The following SMU1 variants were observed in gnomAD, a reference collection of about 807,000 sequenced individuals.
The protein encoded by SMU1 is WD40 repeat-containing protein SMU1.
Under a neutral mutation model 62.0 loss-of-function variants are expected in SMU1, and 2 were observed. The observed-to-expected ratio is 0.03, with a 90% CI of 0.01 to 0.10. SMU1 has a LOEUF of 0.10. Among genes scored for constraint, SMU1 ranks in the 10% least tolerant of loss-of-function variants. The pLI is 1.00. For missense variants in SMU1, 227 were observed against 622.1 expected, an observed-to-expected ratio of 0.36 and a Z score of 6.76; for synonymous variants, 188 against 212.4, an observed-to-expected ratio of 0.89 and a Z score of 1.00.
Position 33,056,113 on chromosome 9 carries a change from C to A in SMU1, c.1122G>T (p.Lys374Asn). 1 of 1,604,862 alleles carries A rather than the reference C, an allele frequency of 6.2e-7. No homozygotes were observed. Among genetic ancestry groups the A allele is most frequent in the Non-Finnish European group, 8.5e-7 (1 of 1,175,254 alleles). Residue 374 changes from lysine to asparagine, a missense_variant and splice_region_variant, in exon 9 of 12, where the codon AAG becomes AAT. Physicochemically the swap from Lys to Asn is moderately conservative, Grantham distance 94. Transcript: ENST00000397149. ...IISASSDGTV[K>N]IWNMKTTECS... ...AATAAACTGATAGCAAATACTTAAC[C>A]TTTACAGTGCCATCAGAGGATGCAC...
chr9:33,076,661 AACACACCAACGACACCTCCGG>A, exon 1 of SMU1: 1 of 1,612,996 alleles, frequency 6.2e-7, no homozygotes, highest in Non-Finnish European at 8.5e-7. Context: ...CCAGTCGCGC[AACACACCAACGACACCTCCGG>A]CGGACACCTA....
In SMU1 at chr9:33,045,013, C is replaced by T. The variant is rs1202093194; in HGVS notation, c.*2280G>A. The T allele has an allele frequency of 6.6e-6, 1 of 152,218 alleles. No homozygotes were observed. The highest frequency in any genetic ancestry group is 1.9e-4 in the East Asian group (1 of 5,202). The allele number at this position is 152,218 out of a possible 1,614,324, so 9.4% of individuals were successfully genotyped here. On this transcript the variant is annotated 3_prime_UTR_variant, in exon 12 of 12. Transcript: ENST00000397149. ...TAATTACTCCTTTTAATTTGCTCTT[C>T]TTCCCTATGTTTAGGCAGAAACGAG...
chr9:33,062,395 C>T (rs1839372680), intron 4 of SMU1, among the ~76,000 whole-genome samples: 1 of 152,150 alleles, frequency 6.6e-6, no homozygotes, highest in Non-Finnish European at 1.5e-5. Context: ...TGAGAGCCAA[C>T]AAGTCTATCA....
chr9:33,043,914 T>G lies in SMU1; in HGVS notation c.*3379A>C, dbSNP rs949429664. On this transcript the variant is annotated 3_prime_UTR_variant, in exon 12 of 12. Coordinates refer to ENST00000397149, the MANE Select transcript of SMU1 (RefSeq NM_018225.3). ...AGGGCTCAACAGAGGCCGTTAGTGG[T>G]AGTAATAATACATGCTGAAAAAAAA... The G allele has an allele frequency of 6.7e-6, 1 of 149,438 alleles. No individual in the cohort carries two copies. The highest frequency in any genetic ancestry group is 2.5e-5 in the African/African-American group (1 of 40,270). 9.3% of individuals were successfully genotyped at this position (149,438 alleles called of 1,614,324 possible).
At chr9:33,067,624 G>A (rs570390943) in intron 4 of SMU1, among the ~76,000 whole-genome samples, 7 of 150,974 alleles carry the variant, frequency 4.6e-5, no homozygotes, top group East Asian at 3.9e-4. Flanking sequence ...TCAGCCTCCC[G>A]AGTAGCTGAG....
rs1245450943 is a variant in SMU1 at position 33,073,646 on chromosome 9, T to C, written c.187A>G (p.Ile63Val). 2 of 1,613,014 alleles carry C rather than the reference T, an allele frequency of 1.2e-6. No homozygotes were observed. The highest frequency in any genetic ancestry group is 2.2e-5 in the East Asian group (1 of 44,882). The change falls in exon 2 of 12, where the codon ATA becomes GTA. Residue 63 changes from isoleucine (I) to valine (V), a missense_variant. Coordinates refer to ENST00000397149, the MANE Select transcript of SMU1 (RefSeq NM_018225.3). ...TTGTCTGGCAATTTCAGAGACTGTATAGCCTGCAACACAGTATCCCAATGG... is the reference window on the plus strand; with the variant it reads ...TTGTCTGGCAATTTCAGAGACTGTACAGCCTGCAACACAGTATCCCAATGG... ...SGHWDTVLQA[I>V]QSLKLPDKTL...
At chr9:33,051,526 C>T (rs773347161) in intron 10 of SMU1, among the ~76,000 whole-genome samples, 6 of 152,056 alleles carry the variant, frequency 3.9e-5, no homozygotes, top group African/African-American at 7.2e-5. Flanking sequence ...CACTCTGGCA[C>T]GAGATACTGA....
intron 1 of SMU1, among the ~76,000 whole-genome samples, chr9:33,075,421 T>C (rs907489665): frequency 6.6e-6 from 1 of 152,172 alleles, no homozygotes; most frequent in Non-Finnish European, 1.5e-5. Context: ...CAGTAGTCTT[T>C]TTCTCTCATG....
At position 33,060,556 on chromosome 9, in the gene SMU1, G is replaced by C. The variant is rs780962825; in HGVS notation, c.659C>G (p.Ala220Gly). The C allele has an allele frequency of 6.2e-7, 1 of 1,611,606 alleles. No homozygotes were observed. Among genetic ancestry groups the C allele is most frequent in the Non-Finnish European group, 8.5e-7 (1 of 1,179,434 alleles). The part of the protein sequence containing the change: ...KFGQKSHVEC[A>G]RFSPDGQYLV... Reference sequence around the variant, plus strand: ...ATACTGACCATCTGGAGAAAATCGAGCACACTCCACATGTGATTTCTGACC... The same window carrying C: ...ATACTGACCATCTGGAGAAAATCGACCACACTCCACATGTGATTTCTGACC... The change falls in exon 6 of 12, where the codon GCT becomes GGT. Residue 220 changes from alanine to glycine, a missense_variant. By Grantham distance (60) the Ala-to-Gly change is moderately conservative (BLOSUM62 0). Transcript: ENST00000397149.
At position 33,046,577 on chromosome 9, in the gene SMU1, C is replaced by T. The variant is rs1401429174; in HGVS notation, c.*716G>A. ...TCCAGAAAGGTATAAAGTTTATTAA[C>T]ATCTTTAAAAAAAAAAAAAAAAAAA... On this transcript the variant is annotated 3_prime_UTR_variant, in exon 12 of 12. Coordinates refer to ENST00000397149, the MANE Select transcript of SMU1 (RefSeq NM_018225.3). 3 of 121,648 alleles carry T rather than the reference C, an allele frequency of 2.5e-5. No homozygotes were observed. Among genetic ancestry groups the T allele is most frequent in the Admixed American group, 1.8e-4 (2 of 11,246 alleles). 7.5% of individuals were successfully genotyped at this position (121,648 alleles called of 1,614,324 possible). A position where few individuals can be genotyped will look rare whatever the true frequency, so the allele number is the denominator to read the frequency against.
chr9:33,053,109 T>C lies in SMU1; in HGVS notation c.1290+14A>G. 6 of 1,611,942 alleles carry C rather than the reference T, an allele frequency of 3.7e-6. No homozygotes were observed. The highest frequency in any genetic ancestry group is 5.1e-6 in the Non-Finnish European group (6 of 1,179,776). ...CCCACAGTTCCTGTGCAAGGGTACGTTCTGAACACTCACCTGCCCCTGCAT... is the reference window on the plus strand; with the variant it reads ...CCCACAGTTCCTGTGCAAGGGTACGCTCTGAACACTCACCTGCCCCTGCAT... On this transcript the variant is annotated intron_variant, in intron 10 of 11. Coordinates refer to ENST00000397149, the MANE Select transcript of SMU1 (RefSeq NM_018225.3).
At chr9:33,072,766 T>C (rs1587713956) in intron 2 of SMU1, among the ~76,000 whole-genome samples, 1 of 149,104 alleles carries the variant, frequency 6.7e-6, no homozygotes, top group African/African-American at 2.5e-5. Context: ...GAGATGGAGG[T>C]TGCAGTGAGC....
At position 33,073,938 on chromosome 9, in the gene SMU1, A is replaced by G. The variant is rs901733464; in HGVS notation, c.27-132T>C. 5 of 788,286 alleles carry G rather than the reference A, an allele frequency of 6.3e-6. No individual in the cohort carries two copies. In the South Asian group the frequency reaches 9.6e-5, roughly 15 times the overall value. The allele number at this position is 788,286 out of a possible 1,614,324, so 48.8% of individuals were successfully genotyped here. ...TATCATGTGAGTAAAATTTTCCAAA[A>G]TCACAGAATCTAAATTATAAGGGGA... On this transcript the variant is annotated intron_variant, in intron 1 of 11. Transcript: ENST00000397149.
chr9:33,075,331 C>T (rs561352191), intron 1 of SMU1, among the ~76,000 whole-genome samples: 1 of 151,844 alleles, frequency 6.6e-6, no homozygotes, highest in Non-Finnish European at 1.5e-5. Context: ...GAGCGGAGAT[C>T]GCGCCACTGC....
chr9:33,052,824 C>T (rs1839264590), intron 10 of SMU1, among the ~76,000 whole-genome samples: 1 of 152,196 alleles, frequency 6.6e-6, no homozygotes, highest in Non-Finnish European at 1.5e-5. Context: ...CAGACAAACA[C>T]TGTTATCTTA....
chr9:33,048,079 T>C (rs1203028772), intron 11 of SMU1, 27 bp downstream of exon 11: 1 of 1,606,586 alleles, frequency 6.2e-7, no homozygotes. Context: ...CATATTTCTT[T>C]AGATGAACTT....
intron 3 of SMU1, among the ~76,000 whole-genome samples, chr9:33,069,280 T>C (rs1489226459): frequency 3.3e-5 from 5 of 152,206 alleles, no homozygotes; most frequent in Non-Finnish European, 5.9e-5. Context: ...TTGAAAAATT[T>C]GCAGAACCAA....
intron 7 of SMU1, 55 bp from the exon 8 acceptor site, chr9:33,057,019 T>C (rs949141471): frequency 2.5e-6 from 4 of 1,570,612 alleles, no homozygotes; most frequent in Non-Finnish European, 2.6e-6. Flanking sequence ...GTCCTACTAT[T>C]AATAGCCCAC....
At chr9:33,073,489 T>G in intron 2 of SMU1, 107 bp downstream of exon 2, 3 of 695,942 alleles carry the variant, frequency 4.3e-6, no homozygotes, top group Non-Finnish European at 7.6e-6. Context: ...TTGTATGGGC[T>G]GATGCAGCCC....
Sources: allele counts gnomAD v4.1 joint callset (sites outside exome capture counted in the v4.1 genomes callset), GRCh38; gene constraint gnomAD v4.1.1; transcripts MANE v1.5; gene names NCBI Gene and HGNC (gene_info 2026-07-23, HGNC 2026-07-21).